GAN: variants seen among roughly 807,000 people sequenced by gnomAD.
GAN encodes the protein gigaxonin.
In GAN, 48 loss-of-function variants were observed where a neutral mutation model predicts 71.3. That is an observed-to-expected ratio of 0.67 (90% CI 0.53 to 0.86). GAN has a LOEUF of 0.86. Among genes scored for constraint, GAN ranks in the 40% least tolerant of loss-of-function variants. GAN has a pLI of 0.00. For missense variants in GAN, 928 were observed against 770.1 expected (o/e 1.21, Z -2.43); for synonymous variants, 386 against 276.8 (o/e 1.39, Z -3.92).
In GAN at chr16:81,362,576, GC is replaced by G; in HGVS notation, c.1052del (p.Ala351GlufsTer10). On this transcript the variant is annotated frameshift_variant, in exon 6 of 11. Coordinates refer to ENST00000648994, the MANE Select transcript of GAN (RefSeq NM_022041.4). LOFTEE classifies it high-confidence loss of function. ...CTCAGGAGAAAAGTATGATCCAGAT[GC>G]AAATACATGGACAGCATTGCCACCT... is the stretch of plus-strand genomic sequence containing the variant. The part of the protein sequence containing the change: ...LSSGEKYDPD[A>X]NTWTALPPMN... 1 of 1,599,478 alleles carries G rather than the reference GC, an allele frequency of 6.3e-7. No individual in the cohort carries two copies. The highest frequency in any genetic ancestry group is 8.6e-7 in the Non-Finnish European group (1 of 1,166,522).
At chr16:81,328,304 G>T (rs762760724) in intron 1 of GAN, among the ~76,000 whole-genome samples, 1 of 152,110 alleles carries the variant, frequency 6.6e-6, no homozygotes, top group East Asian at 1.9e-4. Context: ...TTTACAGTTC[G>T]TCTTTTTACT....
intron 1 of GAN, among the ~76,000 whole-genome samples, chr16:81,317,720 G>A (rs554063904): frequency 2.0e-5 from 3 of 152,348 alleles, no homozygotes; most frequent in African/African-American, 7.2e-5. Context: ...CCACGTTAGA[G>A]CATTACTTGT....
chr16:81,360,249 G>A (rs1910632260), intron 5 of GAN, among the ~76,000 whole-genome samples: 1 of 152,032 alleles, frequency 6.6e-6, no homozygotes, highest in Non-Finnish European at 1.5e-5. Context: ...TTTAATATGG[G>A]TCTTTTGGTG....
chr16:81,336,489 G>A (rs1477702415), intron 1 of GAN, among the ~76,000 whole-genome samples: 1 of 151,842 alleles, frequency 6.6e-6, no homozygotes, highest in African/African-American at 2.4e-5. Context: ...TTTGAGATAG[G>A]GTCTCACTCT....
chr16:81,354,405 A>G lies in GAN; in HGVS notation c.283A>G (p.Ile95Val). ...EILDYIFSGQ[I>V]RLNEDTIQDV... ...TAAGATAATTATGCTACTTTTTTAG[A>G]TCAGGCTAAATGAAGATACAATCCA... Residue 95 changes from isoleucine to valine, a missense_variant and splice_region_variant, in exon 3 of 11, where the codon ATC (isoleucine) becomes GTC (valine). By Grantham distance (29) the Ile-to-Val change is conservative (BLOSUM62 3). Coordinates refer to ENST00000648994, the MANE Select transcript of GAN (RefSeq NM_022041.4). 1 of 1,595,942 alleles carries G rather than the reference A, an allele frequency of 6.3e-7. No homozygotes were observed. The highest frequency in any genetic ancestry group is 8.6e-7 in the Non-Finnish European group (1 of 1,163,372).
chr16:81,328,311 T>A (rs1909455161), intron 1 of GAN, among the ~76,000 whole-genome samples: 1 of 152,248 alleles, frequency 6.6e-6, no homozygotes, highest in Non-Finnish European at 1.5e-5. Flanking sequence ...TTCGTCTTTT[T>A]ACTTGAATTC....
In GAN at chr16:81,335,746, C is replaced by CAAA. The variant is rs55948723; in HGVS notation, c.168-15819_168-15817dup. ...TGGGCAACTGAATGAGACTCAGTCTCAAAAAAAAAAAAAAAAAAAATCCAT... is the reference window on the plus strand; with the variant it reads ...TGGGCAACTGAATGAGACTCAGTCTCAAAAAAAAAAAAAAAAAAAAAAATCCAT... On this transcript the variant is annotated intron_variant, in intron 1 of 10. Coordinates refer to ENST00000648994, the MANE Select transcript of GAN (RefSeq NM_022041.4). Among the ~76,000 whole-genome samples, 603 of 103,124 alleles carry CAAA rather than the reference C, an allele frequency of 5.8e-3. 18 individuals are homozygous for CAAA. The highest frequency in any genetic ancestry group is 0.023 in the Admixed American group (208 of 9,158). The allele number at this position is 103,124 out of a possible 152,430, so 67.7% of individuals were successfully genotyped here.
At chr16:81,318,714 C>T (rs920936272) in intron 1 of GAN, among the ~76,000 whole-genome samples, 2 of 152,152 alleles carry the variant, frequency 1.3e-5, no homozygotes, top group African/African-American at 4.8e-5. Flanking sequence ...TGCTGACACC[C>T]TTAGCAATCC....
At chr16:81,339,545 G>C (rs1417392951) in intron 1 of GAN, among the ~76,000 whole-genome samples, 3 of 152,206 alleles carry the variant, frequency 2.0e-5, no homozygotes, top group African/African-American at 7.2e-5. Context: ...CAGTGATAAA[G>C]AGGGCTCCAG....
chr16:81,317,495 G>C (rs866776074), intron 1 of GAN, among the ~76,000 whole-genome samples: 2 of 152,200 alleles, frequency 1.3e-5, no homozygotes, highest in Non-Finnish European at 2.9e-5. Context: ...ATACGTAATA[G>C]TGTTGACACC....
At chr16:81,333,269 C>A (rs920550714) in intron 1 of GAN, among the ~76,000 whole-genome samples, 2 of 151,034 alleles carry the variant, frequency 1.3e-5, no homozygotes, top group African/African-American at 4.9e-5. Flanking sequence ...AGGAGGAATC[C>A]ACTAGGTTAG....
Position 81,377,791 on chromosome 16 carries a change from C to T in GAN, c.*195C>T. On this transcript the variant is annotated 3_prime_UTR_variant, in exon 11 of 11. Coordinates refer to ENST00000648994, the MANE Select transcript of GAN (RefSeq NM_022041.4). ...GAACACGTAACTGTTGAAAAACTAC[C>T]TGGGAGGAGTGAGTTCCTCCAGTTA... The T allele has an allele frequency of 1.6e-6, 1 of 615,070 alleles. No homozygotes were observed. Among genetic ancestry groups the T allele is most frequent in the Non-Finnish European group, 2.9e-6 (1 of 344,658 alleles). 38.1% of individuals were successfully genotyped at this position (615,070 alleles called of 1,614,324 possible).
intron 1 of GAN, among the ~76,000 whole-genome samples, chr16:81,351,093 A>T (rs765232181): frequency 6.6e-6 from 1 of 152,252 alleles, no homozygotes; most frequent in African/African-American, 2.4e-5. Flanking sequence ...TAAAGCAAGG[A>T]AAAAGTGAGC....
Position 81,385,856 on chromosome 16 carries a change from C to T in GAN, c.*8260C>T, listed in dbSNP as rs1250974415. 6.7e-6 allele frequency: 1 copy of T among 148,740 alleles called. No homozygotes were observed. Among genetic ancestry groups the T allele is most frequent in the Non-Finnish European group, 1.5e-5 (1 of 67,670 alleles). The allele number at this position is 148,740 out of a possible 1,614,324, so 9.2% of individuals were successfully genotyped here. ...GCGCCATCTCCCAGGCTCAAGGGATCCTCCTGCCTCGGCCTGCCAAGTAGC... is the reference window on the plus strand; with the variant it reads ...GCGCCATCTCCCAGGCTCAAGGGATTCTCCTGCCTCGGCCTGCCAAGTAGC... On this transcript the variant is annotated 3_prime_UTR_variant, in exon 11 of 11. Transcript: ENST00000648994.
intron 1 of GAN, among the ~76,000 whole-genome samples, chr16:81,325,311 A>G (rs1909349310): frequency 6.6e-6 from 1 of 152,182 alleles, no homozygotes; most frequent in African/African-American, 2.4e-5. Context: ...ATATGGAGGA[A>G]ATGGTATTTG....
chr16:81,315,274 A>T lies in GAN; in HGVS notation c.161A>T (p.Tyr54Phe). ...AACATCCTGGCGGCGGCCAGCCCGTACATCAGGTGGGGAGGGGGCTACGGC... is the reference window on the plus strand; with the variant it reads ...AACATCCTGGCGGCGGCCAGCCCGTTCATCAGGTGGGGAGGGGGCTACGGC... Reference protein sequence around the residue: ...QKNILAAASPYIRTKLNYNPP... With the variant: ...QKNILAAASPFIRTKLNYNPP... The change falls in exon 1 of 11, where the codon TAC (tyrosine) becomes TTC (phenylalanine). Residue 54 changes from tyrosine (Y) to phenylalanine (F), a missense_variant. By Grantham distance (22) the Tyr-to-Phe change is conservative. Coordinates refer to ENST00000648994, the MANE Select transcript of GAN (RefSeq NM_022041.4). 1 of 1,551,854 alleles carries T rather than the reference A, an allele frequency of 6.4e-7. No homozygotes were observed. The highest frequency in any genetic ancestry group is 8.7e-7 in the Non-Finnish European group (1 of 1,149,648).
chr16:81,330,082 C>T (rs1909523143), intron 1 of GAN, among the ~76,000 whole-genome samples: 1 of 152,204 alleles, frequency 6.6e-6, no homozygotes, highest in South Asian at 2.1e-4. Flanking sequence ...TCTCAGATCT[C>T]TGGAATCTGC....
intron 1 of GAN, among the ~76,000 whole-genome samples, chr16:81,343,678 A>G (rs200143482): frequency 1.3e-5 from 2 of 152,218 alleles, no homozygotes; most frequent in Non-Finnish European, 2.9e-5. Context: ...ATGGGCAAAA[A>G]TTGGAAGTAT....
chr16:81,360,214 C>G (rs1434837244), intron 5 of GAN, among the ~76,000 whole-genome samples: 1 of 152,204 alleles, frequency 6.6e-6, no homozygotes, highest in Non-Finnish European at 1.5e-5. Context: ...TCCCTTCTCT[C>G]TGAAGTTCAT....
Sources: gnomAD v4.1 joint callset for allele counts (sites outside exome capture counted in the v4.1 genomes callset) on GRCh38, gnomAD v4.1.1 for gene constraint, MANE v1.5 for transcripts, NCBI Gene and HGNC (gene_info 2026-07-23, HGNC 2026-07-21) for gene names.